KLRB1: variants seen among roughly 807,000 people sequenced by gnomAD.
KLRB1 encodes the protein killer cell lectin like receptor B1.
Under a neutral mutation model 33.5 loss-of-function variants are expected in KLRB1, and 27 were observed. That is an observed-to-expected ratio of 0.81 (90% CI 0.59 to 1.11). The LOEUF (loss-of-function observed/expected upper bound fraction) is 1.11. Ranked by LOEUF, KLRB1 falls within the 50% of genes most tolerant of loss-of-function variation. The pLI is 0.00. For missense variants in KLRB1, 241 were observed against 254.1 expected (o/e 0.95, Z 0.35); for synonymous variants, 64 against 88.9 (o/e 0.72, Z 1.58).
chr12:9,595,495 C>T lies in KLRB1; in HGVS notation c.531-74G>A. ...GCTATTCTCACTTAGCCATTATTTC[C>T]TAGGACTCTCAGGAAGCAGTAGAAT... On this transcript the variant is annotated intron_variant, in intron 5 of 5. Transcript: ENST00000229402. 3 of 1,374,798 alleles carry T rather than the reference C, an allele frequency of 2.2e-6. No individual in the cohort carries two copies. The South Asian group carries it at 3.5e-5, about 16-fold the overall frequency. 85.2% of individuals were successfully genotyped at this position (1,374,798 alleles called of 1,614,324 possible).
Position 9,598,612 on chromosome 12 carries a change from G to A in KLRB1, c.301C>T (p.Leu101Phe). The change falls in exon 4 of 6, where the codon CTC (leucine) becomes TTC (phenylalanine). Residue 101 changes from leucine to phenylalanine, a missense_variant. Leu to Phe is a conservative substitution (Grantham distance 22). Coordinates refer to ENST00000229402, the MANE Select transcript of KLRB1 (RefSeq NM_002258.3). ...GAAAATAACAAGCATTTCTCTCGGAGTTGCTGCCAATATATTGGGCAGTTT... is the reference window on the plus strand; with the variant it reads ...GAAAATAACAAGCATTTCTCTCGGAATTGCTGCCAATATATTGGGCAGTTT... ...LLNCPIYWQQLREKCLLFSHT... is the reference protein window; with the variant it reads ...LLNCPIYWQQFREKCLLFSHT... 6.2e-7 allele frequency: 1 copy of A among 1,613,118 alleles called. No homozygotes were observed. The highest frequency in any genetic ancestry group is 8.5e-7 in the Non-Finnish European group (1 of 1,179,272).
chr12:9,606,813 G>C (rs1356103235), intron 1 of KLRB1, among the ~76,000 whole-genome samples: 1 of 140,602 alleles, frequency 7.1e-6, no homozygotes, highest in Non-Finnish European at 1.5e-5. Flanking sequence ...CTGGAGTACA[G>C]TGGCACAATT....
At chr12:9,596,501 G>A (rs1018219578) in intron 5 of KLRB1, among the ~76,000 whole-genome samples, 3 of 152,096 alleles carry the variant, frequency 2.0e-5, no homozygotes, top group Admixed American at 6.6e-5. Flanking sequence ...AAATAATCCT[G>A]TAAAAAAATT....
At chr12:9,607,400 C>CTTTCTTTCTTTCTTTCT (rs1555097857) in intron 1 of KLRB1, among the ~76,000 whole-genome samples, 4 of 72,968 alleles carry the variant, frequency 5.5e-5, no homozygotes, top group African/African-American at 1.2e-4. Context: ...TTCTTTCTTT[C>CTTTCTTTCTTTCTTTCT]TTTCTTTTCT....
At chr12:9,607,370 T>TTCTTTCTTTCTTTCTCTCTC (rs1555097818) in intron 1 of KLRB1, among the ~76,000 whole-genome samples, 14 of 86,468 alleles carry the variant, frequency 1.6e-4, no homozygotes, top group Non-Finnish European at 3.3e-4. Context: ...CTTTCTTTCT[T>TTCTTTCTTTCTTTCTCTCTC]TCTTTCTTTC....
At chr12:9,606,795 C>T in intron 1 of KLRB1, among the ~76,000 whole-genome samples, 1 of 124,892 alleles carries the variant, frequency 8.0e-6, no homozygotes, top group Non-Finnish European at 1.6e-5. Flanking sequence ...CTTGCTGTGT[C>T]ACCCAGGCTG....
chr12:9,607,375 T>C (rs1038218326), intron 1 of KLRB1, among the ~76,000 whole-genome samples: 1 of 84,750 alleles, frequency 1.2e-5, no homozygotes, highest in Non-Finnish European at 2.7e-5. Flanking sequence ...TTTCTTTCTT[T>C]CTTTCTTTCT....
chr12:9,607,092 G>A (rs1380182559), intron 1 of KLRB1, among the ~76,000 whole-genome samples: 1 of 151,982 alleles, frequency 6.6e-6, no homozygotes, highest in Non-Finnish European at 1.5e-5. Context: ...GGATGAAAAT[G>A]CACTGGGACT....
At chr12:9,600,301 G>A (rs942813490) in intron 2 of KLRB1, among the ~76,000 whole-genome samples, 1 of 152,090 alleles carries the variant, frequency 6.6e-6, no homozygotes, top group Non-Finnish European at 1.5e-5. Flanking sequence ...AAGTTCTTGG[G>A]CCACATATAT....
At chr12:9,596,579 T>C (rs1330985847) in intron 5 of KLRB1, among the ~76,000 whole-genome samples, 1 of 152,208 alleles carries the variant, frequency 6.6e-6, no homozygotes, top group Non-Finnish European at 1.5e-5. Flanking sequence ...TTTTCTACTA[T>C]AACGTGATAC....
intron 1 of KLRB1, among the ~76,000 whole-genome samples, chr12:9,607,335 C>CCTTCCTTCCTTCCTTCCTTCCTTCCTTT (rs1864621978): frequency 1.5e-5 from 1 of 65,242 alleles, no homozygotes; most frequent in Admixed American, 1.8e-4. Flanking sequence ...CTCTTTCTTT[C>CCTTCCTTCCTTCCTTCCTTCCTTCCTTT]CTTTCTTTCT....
intron 1 of KLRB1, 55 bp from the exon 2 acceptor site, chr12:9,601,654 C>G: frequency 8.1e-7 from 1 of 1,233,604 alleles, no homozygotes; most frequent in Non-Finnish European, 1.2e-6. Context: ...AACAAAAAAC[C>G]TTGGTTAACT....
At chr12:9,604,578 C>T (rs928893294) in intron 1 of KLRB1, among the ~76,000 whole-genome samples, 3 of 152,124 alleles carry the variant, frequency 2.0e-5, no homozygotes, top group Non-Finnish European at 4.4e-5. Context: ...GTTTTCATTT[C>T]GATGTGTTTG....
At position 9,599,528 on chromosome 12, in the gene KLRB1, G is replaced by A. The variant is rs548236517; in HGVS notation, c.259+239C>T. 6.8e-4 allele frequency among the ~76,000 whole-genome samples: 104 copies of A among 152,302 alleles called. 1 individual carries two copies. Among genetic ancestry groups the A allele is most frequent in the Non-Finnish European group, 1.3e-3 (86 of 68,022 alleles). ...CCTCATGAGGCAGCATGCCTTGCTG[G>A]TTAAAACCTTAGGCTCATAAGTCAG... is the stretch of plus-strand genomic sequence containing the variant. On this transcript the variant is annotated intron_variant, in intron 3 of 5. Coordinates refer to ENST00000229402, the MANE Select transcript of KLRB1 (RefSeq NM_002258.3).
At chr12:9,607,102 T>C (rs1864614231) in intron 1 of KLRB1, among the ~76,000 whole-genome samples, 1 of 152,094 alleles carries the variant, frequency 6.6e-6, no homozygotes, top group Non-Finnish European at 1.5e-5. Flanking sequence ...GCACTGGGAC[T>C]TAATCATAGT....
rs116279712 is a variant in KLRB1, at chr12:9,600,025, C to A, written c.185-184G>T. 0.031 allele frequency among the ~76,000 whole-genome samples: 4,598 copies of A among 148,522 alleles called. 87 individuals are homozygous for A. The highest frequency in any genetic ancestry group is 0.038 in the Non-Finnish European group (2,545 of 67,064). On this transcript the variant is annotated intron_variant, in intron 2 of 5. Transcript: ENST00000229402. ...CTCACCTACAGGAAGCATACAGAAA[C>A]AAATAAGAAAAAACAAAACAGGTGG...
rs896702963 is a variant in KLRB1, at chr12:9,601,352, C to T, written c.184+149G>A. ...TTATTTCTTTCTCTATACTTTGTCT[C>T]TGTGTCTTTTTCTTTTCCAAATCTC... is the stretch of plus-strand genomic sequence containing the variant. On this transcript the variant is annotated intron_variant, in intron 2 of 5. Transcript: ENST00000229402. The T allele has an allele frequency of 1.2e-3, 669 of 542,882 alleles. 1 individual carries two copies. Among genetic ancestry groups the T allele is most frequent in the Non-Finnish European group, 1.9e-3 (585 of 300,374 alleles). 33.6% of individuals were successfully genotyped at this position (542,882 alleles called of 1,614,324 possible).
chr12:9,607,522 G>C (rs1051661344), intron 1 of KLRB1: 5 of 434,146 alleles, frequency 1.2e-5, no homozygotes, highest in African/African-American at 8.1e-5. Flanking sequence ...GGCTCAGTAA[G>C]ACAAGTGATG....
At chr12:9,603,628 G>A (rs189269716) in intron 1 of KLRB1, among the ~76,000 whole-genome samples, 8 of 146,834 alleles carry the variant, frequency 5.4e-5, no homozygotes, top group Admixed American at 2.0e-4. Context: ...GTAGAGACGG[G>A]TTTCTCCATG....
Sources: allele counts gnomAD v4.1 joint callset (sites outside exome capture counted in the v4.1 genomes callset), GRCh38; gene constraint gnomAD v4.1.1; transcripts MANE v1.5; gene names NCBI Gene and HGNC (gene_info 2026-07-23, HGNC 2026-07-21).